Variants in RBFOX1 observed in about 807,000 individuals in gnomAD.
RBFOX1 encodes the protein RNA binding protein fox-1 homolog 1.
A neutral mutation model predicts 57.7 loss-of-function variants in RBFOX1; 8 were observed. That is an observed-to-expected ratio of 0.14 (90% CI 0.08 to 0.25). RBFOX1 has a LOEUF of 0.25. RBFOX1 is among the 10% of genes least tolerant of loss of function. RBFOX1 has a pLI of 1.00. For missense variants in RBFOX1, 611 were observed against 548.5 expected (o/e 1.11, Z -1.14); for synonymous variants, 326 against 222.4 (o/e 1.47, Z -4.15).
intron 4 of RBFOX1, among the ~76,000 whole-genome samples, chr16:7,259,123 C>T (rs919298615): frequency 5.3e-5 from 8 of 152,180 alleles, no homozygotes; most frequent in African/African-American, 1.9e-4. Flanking sequence ...TTGACCATCT[C>T]CATCAATCTG....
chr16:7,326,901 C>G (rs991557545), intron 4 of RBFOX1, among the ~76,000 whole-genome samples: 2 of 152,144 alleles, frequency 1.3e-5, no homozygotes, highest in African/African-American at 4.8e-5. Context: ...CACACTTTTT[C>G]AGTCAGTCAT....
At chr16:6,331,982 T>G (rs2083092333) in intron 2 of RBFOX1, among the ~76,000 whole-genome samples, 1 of 152,126 alleles carries the variant, frequency 6.6e-6, no homozygotes, top group Non-Finnish European at 1.5e-5. Flanking sequence ...TCACTCCTGT[T>G]ACAACAGGCT....
At chr16:6,431,256 G>A (rs948552871) in intron 2 of RBFOX1, among the ~76,000 whole-genome samples, 3 of 152,062 alleles carry the variant, frequency 2.0e-5, no homozygotes, top group Non-Finnish European at 4.4e-5. Context: ...AGTTAGGAGG[G>A]AGAATAGAGG....
intron 2 of RBFOX1, among the ~76,000 whole-genome samples, chr16:6,559,773 G>A (rs1167312787): frequency 1.3e-5 from 2 of 151,888 alleles, no homozygotes; most frequent in Non-Finnish European, 2.9e-5. Context: ...CCTACTATGT[G>A]CCAGGCGCTC....
intron 1 of RBFOX1, among the ~76,000 whole-genome samples, chr16:6,307,900 G>GGTT (rs1483837366): frequency 2.5e-5 from 3 of 121,578 alleles, no homozygotes; most frequent in African/African-American, 6.7e-5. Context: ...TATTTATTTG[G>GGTT]ATTATTTACA....
Position 6,918,462 on chromosome 16 carries a change from C to G in RBFOX1, c.-15-133595C>G, listed in dbSNP as rs575886066. Reference sequence around the variant, plus strand: ...CTTCATACATGCAGAGTAAAACCATCTTAAATCCAATCAAATTAATTGTTA... The same window carrying G: ...CTTCATACATGCAGAGTAAAACCATGTTAAATCCAATCAAATTAATTGTTA... On this transcript the variant is annotated intron_variant, in intron 3 of 15. Transcript: ENST00000550418. 2.6e-5 allele frequency among the ~76,000 whole-genome samples: 4 copies of G among 152,220 alleles called. No individual in the cohort carries two copies. The South Asian group carries it at 8.3e-4, about 32-fold the overall frequency.
At chr16:5,588,763 G>C (rs1444026636) in intron 2 of RBFOX1, among the ~76,000 whole-genome samples, 1 of 152,180 alleles carries the variant, frequency 6.6e-6, no homozygotes, top group African/African-American at 2.4e-5. Context: ...GGGGGAAATG[G>C]AGTCAAGCCG....
At position 5,887,071 on chromosome 16, in the gene RBFOX1, T is replaced by A. The variant is rs528374587; in HGVS notation, c.351+19736T>A. ...TCTACTCCCTAGATGTCGGTAGCATTTTCTCCCCAGGTTGTGACAACCAAA... is the reference window on the plus strand; with the variant it reads ...TCTACTCCCTAGATGTCGGTAGCATATTCTCCCCAGGTTGTGACAACCAAA... On this transcript the variant is annotated intron_variant, in intron 4 of 19. Transcript: ENST00000641259. 5.2e-4 allele frequency among the ~76,000 whole-genome samples: 79 copies of A among 152,268 alleles called. 1 individual carries two copies. The highest frequency in any genetic ancestry group is 3.4e-3 in the Middle Eastern group (1 of 294).
chr16:6,899,772 C>A (rs775756109), intron 3 of RBFOX1, among the ~76,000 whole-genome samples: 3 of 152,194 alleles, frequency 2.0e-5, no homozygotes, highest in African/African-American at 7.2e-5. Flanking sequence ...TGAAGTACAT[C>A]ATACTTACAT....
chr16:6,782,711 A>T (rs2081238437), intron 3 of RBFOX1, among the ~76,000 whole-genome samples: 1 of 152,184 alleles, frequency 6.6e-6, no homozygotes. Flanking sequence ...TCAGCTATCG[A>T]ATGAAATGTT....
chr16:5,293,165 AC>A lies in RBFOX1; in HGVS notation c.219+53061del, dbSNP rs2063576497. 3.3e-5 allele frequency among the ~76,000 whole-genome samples: 5 copies of A among 152,030 alleles called. No homozygotes were observed. In the South Asian group the frequency reaches 1.0e-3, roughly 32 times the overall value. On this transcript the variant is annotated intron_variant, in intron 1 of 2. Coordinates refer to the RBFOX1 transcript ENST00000585867. ...ACGAGACCCTATTTCTACTAAAAAT[AC>A]AAAAATTAGCCAGGTGTGGTGGTGC... is the stretch of plus-strand genomic sequence containing the variant.
At chr16:6,682,290 A>T (rs561957192) in intron 3 of RBFOX1, among the ~76,000 whole-genome samples, 3 of 152,114 alleles carry the variant, frequency 2.0e-5, no homozygotes, top group Non-Finnish European at 4.4e-5. Flanking sequence ...CTCTGGAGGG[A>T]TTGAGCTCTC....
At chr16:5,374,712 G>GTT (rs1475160200) in intron 1 of RBFOX1, among the ~76,000 whole-genome samples, 31 of 137,492 alleles carry the variant, frequency 2.3e-4, no homozygotes, top group African/African-American at 8.8e-4. Flanking sequence ...TTATCTCTAT[G>GTT]TGTTTTTTTT....
At chr16:5,791,124 T>C (rs2054679511) in intron 3 of RBFOX1, among the ~76,000 whole-genome samples, 1 of 152,138 alleles carries the variant, frequency 6.6e-6, no homozygotes, top group South Asian at 2.1e-4. Flanking sequence ...TGCGTTGGTC[T>C]CCTAAAGTGC....
intron 4 of RBFOX1, among the ~76,000 whole-genome samples, chr16:7,096,774 A>G (rs771105382): frequency 6.6e-6 from 1 of 151,966 alleles, no homozygotes; most frequent in Non-Finnish European, 1.5e-5. Context: ...TCTAGTAAAA[A>G]TACAAAAATT....
rs113813661 is a variant in RBFOX1, at chr16:6,698,794, A to G, written c.-16+44144A>G. Among the ~76,000 whole-genome samples, 586 of 152,304 alleles carry G rather than the reference A, an allele frequency of 3.8e-3. 5 individuals are homozygous for G. The highest frequency in any genetic ancestry group is 0.011 in the African/African-American group (440 of 41,566). On this transcript the variant is annotated intron_variant, in intron 3 of 15. Transcript: ENST00000550418. ...GGTTTGACTTTCTAAGCATTATGCA[A>G]TGGTGAGAAATGTGAATCCCTTATA...
At chr16:7,147,395 T>G (rs2075239484) in intron 4 of RBFOX1, among the ~76,000 whole-genome samples, 1 of 150,402 alleles carries the variant, frequency 6.6e-6, no homozygotes, top group Admixed American at 6.7e-5. Context: ...TCCTGAAGTT[T>G]GGTAGACAAA....
At chr16:5,665,379 G>T (rs2049807114) in intron 3 of RBFOX1, among the ~76,000 whole-genome samples, 1 of 151,842 alleles carries the variant, frequency 6.6e-6, no homozygotes, top group African/African-American at 2.4e-5. Flanking sequence ...CTATCTTATG[G>T]GCCTTCTCTG....
At chr16:6,857,966 A>G (rs1282613996) in intron 3 of RBFOX1, among the ~76,000 whole-genome samples, 1 of 152,156 alleles carries the variant, frequency 6.6e-6, no homozygotes, top group Non-Finnish European at 1.5e-5. Flanking sequence ...GGTTTTTCGT[A>G]GGTCAGATGA....
Sources: gnomAD v4.1 joint callset for allele counts (sites outside exome capture counted in the v4.1 genomes callset) on GRCh38, gnomAD v4.1.1 for gene constraint, MANE v1.5 for transcripts, NCBI Gene and HGNC (gene_info 2026-07-23, HGNC 2026-07-21) for gene names.